The following SLC9A9 variants were observed in gnomAD, a reference collection of about 807,000 sequenced individuals.
SLC9A9 encodes solute carrier family 9 member A9, also known as sodium/hydrogen exchanger 9.
In SLC9A9, 62 loss-of-function variants were observed where a neutral mutation model predicts 77.8. The ratio of observed to expected loss-of-function variants is 0.80; its 90% CI spans 0.65 to 0.98. SLC9A9 has a LOEUF of 0.98. SLC9A9 is among the 50% of genes least tolerant of loss of function. The pLI, the probability that SLC9A9 is intolerant of heterozygous loss-of-function variation, is 0.00. For missense variants in SLC9A9, 775 were observed against 774.9 expected (o/e 1.00, Z 0.00); for synonymous variants, 320 against 283.5 (o/e 1.13, Z -1.29).
chr3:143,715,994 G>A (rs997364151), intron 4 of SLC9A9, among the ~76,000 whole-genome samples: 5 of 152,142 alleles, frequency 3.3e-5, no homozygotes, highest in African/African-American at 7.2e-5. Context: ...AGCCACCATC[G>A]TCCATAGCAA....
chr3:143,698,727 T>C (rs1933711704), intron 4 of SLC9A9, among the ~76,000 whole-genome samples: 1 of 152,202 alleles, frequency 6.6e-6, no homozygotes, highest in African/African-American at 2.4e-5. Context: ...TAACCTTCAC[T>C]AAATTATGAA....
At chr3:143,332,834 C>G (rs1041222324) in intron 14 of SLC9A9, among the ~76,000 whole-genome samples, 12 of 152,190 alleles carry the variant, frequency 7.9e-5, no homozygotes, top group African/African-American at 2.9e-4. Context: ...TAGTACTACT[C>G]ATAATGGCTG....
At chr3:143,825,943 A>T (rs2009285629) in intron 2 of SLC9A9, among the ~76,000 whole-genome samples, 1 of 152,196 alleles carries the variant, frequency 6.6e-6, no homozygotes, top group South Asian at 2.1e-4. Flanking sequence ...AAATAGATTG[A>T]TTCATTCATT....
intron 4 of SLC9A9, among the ~76,000 whole-genome samples, chr3:143,776,522 G>A (rs937668485): frequency 2.6e-5 from 4 of 152,142 alleles, no homozygotes; most frequent in Non-Finnish European, 5.9e-5. Flanking sequence ...AATATAATTT[G>A]TGATATTCTT....
At chr3:143,540,229 C>G (rs1230604863) in intron 9 of SLC9A9, among the ~76,000 whole-genome samples, 11 of 152,004 alleles carry the variant, frequency 7.2e-5, no homozygotes, top group Admixed American at 7.2e-4. Context: ...TAACATTGTT[C>G]AAGTACTCTT....
chr3:143,848,093 T>C, intron 1 of SLC9A9, 55 bp downstream of exon 1: 2 of 1,510,394 alleles, frequency 1.3e-6, no homozygotes, highest in East Asian at 2.3e-5. Context: ...AGCACAAGTC[T>C]CTAATTACGC....
intron 9 of SLC9A9, among the ~76,000 whole-genome samples, chr3:143,516,955 T>C (rs556823466): frequency 1.3e-3 from 203 of 152,336 alleles, no homozygotes; most frequent in African/African-American, 4.8e-3. Flanking sequence ...TTCAGTCCTA[T>C]GAATATTATC....
intron 4 of SLC9A9, among the ~76,000 whole-genome samples, chr3:143,785,925 C>G (rs1265021146): frequency 7.1e-6 from 1 of 141,448 alleles, no homozygotes; most frequent in Non-Finnish European, 1.5e-5. Context: ...GGCGCGATCT[C>G]GACTCACTGC....
chr3:143,846,449 C>A (rs189087778), intron 1 of SLC9A9, among the ~76,000 whole-genome samples: 87 of 152,268 alleles, frequency 5.7e-4, no homozygotes, highest in African/African-American at 2.1e-3. Flanking sequence ...ATGACAGGAA[C>A]CTAGGGCTTC....
At chr3:143,712,980 A>T (rs1934237385) in intron 4 of SLC9A9, among the ~76,000 whole-genome samples, 1 of 152,164 alleles carries the variant, frequency 6.6e-6, no homozygotes, top group Non-Finnish European at 1.5e-5. Context: ...ACCATCCACC[A>T]CCACATTTAA....
intron 6 of SLC9A9, among the ~76,000 whole-genome samples, chr3:143,632,182 T>C (rs1464859254): frequency 6.6e-6 from 1 of 152,204 alleles, no homozygotes; most frequent in Non-Finnish European, 1.5e-5. Flanking sequence ...GGCAAGTTCT[T>C]GAGAGTGTTT....
chr3:143,672,272 C>T (rs2039168391), intron 5 of SLC9A9, among the ~76,000 whole-genome samples: 1 of 151,812 alleles, frequency 6.6e-6, no homozygotes, highest in South Asian at 2.1e-4. Flanking sequence ...TGATGAGAAA[C>T]CACAAGTGTA....
intron 9 of SLC9A9, among the ~76,000 whole-genome samples, chr3:143,542,301 G>A (rs979148866): frequency 3.3e-5 from 5 of 152,086 alleles, no homozygotes; most frequent in African/African-American, 4.8e-5. Context: ...AAGATATTTT[G>A]AATGACGGAG....
intron 9 of SLC9A9, among the ~76,000 whole-genome samples, chr3:143,506,475 G>A (rs547883603): frequency 6.6e-6 from 1 of 152,220 alleles, no homozygotes; most frequent in South Asian, 2.1e-4. Flanking sequence ...AGTCACATAG[G>A]GTATCATTTT....
intron 11 of SLC9A9, among the ~76,000 whole-genome samples, chr3:143,492,018 T>G (rs1164566534): frequency 6.6e-6 from 1 of 151,760 alleles, no homozygotes; most frequent in Non-Finnish European, 1.5e-5. Flanking sequence ...CTTGGCCGGG[T>G]GTGGTGGCTC....
intron 6 of SLC9A9, among the ~76,000 whole-genome samples, chr3:143,644,243 A>C (rs554896730): frequency 6.6e-6 from 1 of 152,350 alleles, no homozygotes; most frequent in South Asian, 2.1e-4. Flanking sequence ...CTTGCATCTG[A>C]CTTATATACC....
chr3:143,355,745 T>C (rs2032568454), intron 14 of SLC9A9, among the ~76,000 whole-genome samples: 1 of 152,202 alleles, frequency 6.6e-6, no homozygotes, highest in South Asian at 2.1e-4. Context: ...GTGCCTGGCA[T>C]GTGGTAGACT....
chr3:143,800,680 G>T (rs2008527405), intron 2 of SLC9A9, among the ~76,000 whole-genome samples: 1 of 152,154 alleles, frequency 6.6e-6, no homozygotes, highest in African/African-American at 2.4e-5. Flanking sequence ...CATTACTTCA[G>T]CCAAGCTCTT....
intron 12 of SLC9A9, among the ~76,000 whole-genome samples, chr3:143,438,453 T>G (rs1009694768): frequency 5.3e-5 from 8 of 152,164 alleles, no homozygotes; most frequent in African/African-American, 1.9e-4. Context: ...TGTGTGTATG[T>G]GTGTGGTGGA....
Sources: gnomAD v4.1 joint callset for allele counts (sites outside exome capture counted in the v4.1 genomes callset) on GRCh38, gnomAD v4.1.1 for gene constraint, MANE v1.5 for transcripts, NCBI Gene and HGNC (gene_info 2026-07-23, HGNC 2026-07-21) for gene names.